The following GNG7 variants were observed in gnomAD, a reference collection of about 807,000 sequenced individuals.
GNG7 encodes guanine nucleotide-binding protein G(I)/G(S)/G(O) subunit gamma-7.
A neutral mutation model predicts 4.0 loss-of-function variants in GNG7; 1 was observed. The observed-to-expected ratio is 0.25, with a 90% CI of 0.09 to 1.18. The LOEUF (loss-of-function observed/expected upper bound fraction) is 1.18, where lower values mean the gene tolerates loss of function less well. Ranked by LOEUF, GNG7 falls within the 50% of genes most tolerant of loss-of-function variation. The pLI is 0.50. For missense variants in GNG7, 86 were observed against 91.9 expected (o/e 0.94, Z 0.26); for synonymous variants, 34 against 36.9 (o/e 0.92, Z 0.29).
chr19:2,515,921 T>C (rs1972729120), intron 4 of GNG7, among the ~76,000 whole-genome samples: 1 of 151,302 alleles, frequency 6.6e-6, no homozygotes, highest in Non-Finnish European at 1.5e-5. Flanking sequence ...TGGTAAACTT[T>C]ATATGTGTCT....
chr19:2,567,517 G>C (rs902241947), intron 2 of GNG7, among the ~76,000 whole-genome samples: 1 of 151,998 alleles, frequency 6.6e-6, no homozygotes, highest in Non-Finnish European at 1.5e-5. Context: ...GTATAGATGG[G>C]GTTTCGCCAT....
intron 2 of GNG7, among the ~76,000 whole-genome samples, chr19:2,622,933 G>A (rs942392208): frequency 1.3e-5 from 2 of 152,240 alleles, no homozygotes; most frequent in Non-Finnish European, 2.9e-5. Flanking sequence ...GACACCCCGG[G>A]CACGGCCACT....
chr19:2,664,928 TGG>T (rs960394749), intron 1 of GNG7, among the ~76,000 whole-genome samples: 1 of 152,076 alleles, frequency 6.6e-6, no homozygotes, highest in African/African-American at 2.4e-5. Context: ...CAGTGTCCCC[TGG>T]GGCAGAATCA....
chr19:2,637,506 C>A (rs1982348777), intron 2 of GNG7, among the ~76,000 whole-genome samples: 1 of 152,180 alleles, frequency 6.6e-6, no homozygotes, highest in African/African-American at 2.4e-5. Flanking sequence ...GCCGCACTCG[C>A]CCAGCCCAGC....
chr19:2,585,095 A>AGAAG (rs201368598), intron 2 of GNG7, among the ~76,000 whole-genome samples: 9 of 102,980 alleles, frequency 8.7e-5, no homozygotes, highest in Admixed American at 7.2e-4. Flanking sequence ...AGGGAAGAAA[A>AGAAG]GAAGGAAGGA....
intron 2 of GNG7, among the ~76,000 whole-genome samples, chr19:2,586,447 G>T (rs1448799856): frequency 5.9e-5 from 9 of 152,220 alleles, no homozygotes; most frequent in African/African-American, 1.9e-4. Context: ...GTCTGGCTTG[G>T]GGGGCTGGGA....
In GNG7 at chr19:2,685,079, G is replaced by A. The variant is rs185553482; in HGVS notation, c.-135+17567C>T. Among the ~76,000 whole-genome samples, 472 of 151,796 alleles carry A rather than the reference G, an allele frequency of 3.1e-3. 2 individuals are homozygous for A. Among genetic ancestry groups the A allele is most frequent in the African/African-American group, 0.01 (430 of 41,372 alleles). Reference sequence around the variant, plus strand: ...GCAGAGGTTGCAGTGAGCCAAGATCGCACGACTGCACTCCAGCCTGGGTGA... The same window carrying A: ...GCAGAGGTTGCAGTGAGCCAAGATCACACGACTGCACTCCAGCCTGGGTGA... On this transcript the variant is annotated intron_variant, in intron 1 of 4. Transcript: ENST00000382159.
intron 2 of GNG7, among the ~76,000 whole-genome samples, chr19:2,635,405 C>A (rs11879323): frequency 0.012 from 1,773 of 152,298 alleles, 37 homozygotes; most frequent in African/African-American, 0.04. Context: ...ACATCAGACA[C>A]CACGACAAAC....
At chr19:2,696,596 C>T (rs964338858) in intron 1 of GNG7, among the ~76,000 whole-genome samples, 1 of 152,210 alleles carries the variant, frequency 6.6e-6, no homozygotes, top group Non-Finnish European at 1.5e-5. Context: ...GAGCACAGCC[C>T]GGCCTGTCCA....
Position 2,531,303 on chromosome 19 carries a change from CAAAA to C in GNG7, c.-37-10582_-37-10579del, listed in dbSNP as rs58133235. 9.4e-3 allele frequency among the ~76,000 whole-genome samples: 896 copies of C among 94,900 alleles called. 2 individuals carry two copies. The highest frequency in any genetic ancestry group is 0.038 in the African/African-American group (857 of 22,302). The allele number at this position is 94,900 out of a possible 152,430, so 62.3% of individuals were successfully genotyped here. On this transcript the variant is annotated intron_variant, in intron 3 of 4. Transcript: ENST00000382159. Reference sequence around the variant, plus strand: ...TTGGCAGCTGAGTGAGATTCCGTCTCAAAAAAAAAAAAAAAAAAAAAAAAAGGAG... The same window carrying C: ...TTGGCAGCTGAGTGAGATTCCGTCTCAAAAAAAAAAAAAAAAAAAAAGGAG...
intron 2 of GNG7, among the ~76,000 whole-genome samples, chr19:2,583,725 A>T (rs1216876061): frequency 6.6e-6 from 1 of 152,226 alleles, no homozygotes; most frequent in Non-Finnish European, 1.5e-5. Flanking sequence ...TGAGCCCAAG[A>T]GTCCCAGGCT....
intron 3 of GNG7, among the ~76,000 whole-genome samples, chr19:2,529,834 G>A (rs1599375069): frequency 6.6e-6 from 1 of 152,116 alleles, no homozygotes; most frequent in Non-Finnish European, 1.5e-5. Context: ...GGGACCACAC[G>A]GTGCCTGCCT....
At position 2,648,763 on chromosome 19, in the gene GNG7, G is replaced by A. The variant is rs142048758; in HGVS notation, c.-134-2483C>T. On this transcript the variant is annotated intron_variant, in intron 1 of 4. Transcript: ENST00000382159. ...CAGCAGCTCAGGGCAGCAGGGATGA[G>A]TGATGAAAGGGCTGGAGCGGCATGC... Among the ~76,000 whole-genome samples, 1,225 of 152,336 alleles carry A rather than the reference G, an allele frequency of 8.0e-3. 14 individuals are homozygous for A. Among genetic ancestry groups the A allele is most frequent in the African/African-American group, 0.028 (1,147 of 41,578 alleles).
intron 1 of GNG7, among the ~76,000 whole-genome samples, chr19:2,676,085 C>T (rs1376546768): frequency 6.6e-6 from 1 of 152,314 alleles, no homozygotes; most frequent in Middle Eastern, 3.4e-3. Flanking sequence ...GAGACTGGAG[C>T]GATGTCACCA....
intron 2 of GNG7, among the ~76,000 whole-genome samples, chr19:2,558,881 C>A (rs1255949787): frequency 6.6e-6 from 1 of 151,908 alleles, no homozygotes; most frequent in South Asian, 2.1e-4. Context: ...TCACTGCAAC[C>A]TCTGCCTCCT....
chr19:2,590,903 A>G (rs1295920148), intron 2 of GNG7, among the ~76,000 whole-genome samples: 1 of 151,980 alleles, frequency 6.6e-6, no homozygotes, highest in Non-Finnish European at 1.5e-5. Context: ...CCATTTATCC[A>G]TCCATTCATC....
chr19:2,538,076 C>CAAACAAAACAAAACA (rs71337145), intron 3 of GNG7: 139 of 433,528 alleles, frequency 3.2e-4, no homozygotes, highest in African/African-American at 8.5e-4. Context: ...GACTCTCTCT[C>CAAACAAAACAAAACA]AAACAAAACA....
At chr19:2,597,895 C>CAA (rs71178295) in intron 2 of GNG7, among the ~76,000 whole-genome samples, 5 of 118,326 alleles carry the variant, frequency 4.2e-5, no homozygotes, top group South Asian at 2.8e-4. Context: ...GACTCTGTTT[C>CAA]AAAAAAAAAA....
intron 1 of GNG7, among the ~76,000 whole-genome samples, chr19:2,661,266 A>G (rs1395529751): frequency 1.4e-4 from 8 of 57,398 alleles, no homozygotes; most frequent in Admixed American, 1.2e-3. Context: ...AGAAAGAAAG[A>G]AAGAAAAGAA....
Sources: gnomAD v4.1 joint callset for allele counts (sites outside exome capture counted in the v4.1 genomes callset) on GRCh38, gnomAD v4.1.1 for gene constraint, MANE v1.5 for transcripts, NCBI Gene and HGNC (gene_info 2026-07-23, HGNC 2026-07-21) for gene names.